The following AHR variants were observed in gnomAD, a reference collection of about 807,000 sequenced individuals.
The protein encoded by AHR is AH-receptor.
In AHR, 40 loss-of-function variants were observed where a neutral mutation model predicts 86.8. The ratio of observed to expected loss-of-function variants is 0.46; its 90% CI spans 0.36 to 0.60. The LOEUF is 0.60. Ranked by LOEUF, AHR falls within the 20% of genes least tolerant of loss-of-function variation. The pLI is 0.00. For missense variants in AHR, 1,001 were observed against 1,011.6 expected (o/e 0.99, Z 0.14); for synonymous variants, 398 against 354.9 (o/e 1.12, Z -1.37).
intron 1 of AHR, 102 bp from the exon 2 acceptor site, chr7:17,309,834 T>G (rs1782043559): frequency 9.9e-7 from 1 of 1,007,486 alleles, no homozygotes; most frequent in South Asian, 2.6e-5. Flanking sequence ...CTTTAAAAGT[T>G]TGTTGTGTTA....
intron 10 of AHR, 117 bp from the exon 11 acceptor site, chr7:17,342,804 C>A: frequency 1.0e-6 from 1 of 970,050 alleles, no homozygotes; most frequent in Non-Finnish European, 1.5e-6. Flanking sequence ...AGTAAAGGAA[C>A]TTGAAGTTTA....
At chr7:17,326,683 T>C (rs1190496470) in intron 3 of AHR, among the ~76,000 whole-genome samples, 2 of 152,126 alleles carry the variant, frequency 1.3e-5, no homozygotes, top group Admixed American at 6.6e-5. Context: ...GAAATAACAC[T>C]GAAGCCTAAA....
At chr7:17,335,453 T>C (rs968287704) in intron 8 of AHR, among the ~76,000 whole-genome samples, 192 bp from the exon 9 acceptor site, 4 of 152,042 alleles carry the variant, frequency 2.6e-5, no homozygotes, top group African/African-American at 9.7e-5. Flanking sequence ...CCCTTTAACA[T>C]TTAAAATAAT....
chr7:17,320,817 T>C (rs1240890140), intron 2 of AHR, among the ~76,000 whole-genome samples: 1 of 152,152 alleles, frequency 6.6e-6, no homozygotes, highest in Non-Finnish European at 1.5e-5. Context: ...AACTGTTTTT[T>C]GGCCTAAGGA....
At position 17,298,955 on chromosome 7, in the gene AHR, G is replaced by T; in HGVS notation, c.-310G>T. 2.3e-6 allele frequency: 1 copy of T among 441,298 alleles called. No individual in the cohort carries two copies. The highest frequency in any genetic ancestry group is 3.9e-6 in the Non-Finnish European group (1 of 253,656). The allele number at this position is 441,298 out of a possible 1,614,324, so 27.3% of individuals were successfully genotyped here. A position where few individuals can be genotyped will look rare whatever the true frequency, so the allele number is the denominator to read the frequency against. On this transcript the variant is annotated 5_prime_UTR_variant, in exon 1 of 11. Coordinates refer to ENST00000242057, the MANE Select transcript of AHR (RefSeq NM_001621.5). ...CTCCGCCCGGGCCGCCTCACCTGCGGGCATTGCCGCGCCGCCTCCGCCGGT... is the reference window on the plus strand; with the variant it reads ...CTCCGCCCGGGCCGCCTCACCTGCGTGCATTGCCGCGCCGCCTCCGCCGGT...
At chr7:17,310,338 G>A (rs1485663863) in intron 2 of AHR, among the ~76,000 whole-genome samples, 3 of 151,816 alleles carry the variant, frequency 2.0e-5, no homozygotes, top group Non-Finnish European at 4.4e-5. Context: ...AATGATGCAT[G>A]GTATCATTCT....
intron 10 of AHR, among the ~76,000 whole-genome samples, chr7:17,341,192 T>C (rs1384082050): frequency 2.0e-5 from 3 of 152,168 alleles, no homozygotes; most frequent in African/African-American, 7.2e-5. Flanking sequence ...GACCTGAAGC[T>C]TTATCTTTAA....
At chr7:17,321,290 C>T (rs1782169508) in intron 2 of AHR, among the ~76,000 whole-genome samples, 1 of 151,930 alleles carries the variant, frequency 6.6e-6, no homozygotes. Flanking sequence ...CAGTATTGAT[C>T]CACTATGTGT....
At chr7:17,335,486 ACTATTTCCATGC>A (rs936416584) in intron 8 of AHR, among the ~76,000 whole-genome samples, 147 bp from the exon 9 acceptor site, 73 of 152,156 alleles carry the variant, frequency 4.8e-4, no homozygotes, top group African/African-American at 1.7e-3. Context: ...ACTCTGAAAA[ACTATTTCCATGC>A]CTTTTATTAT....
In AHR at chr7:17,310,016, G is replaced by A. The variant is rs374827293; in HGVS notation, c.146G>A (p.Arg49His). The A allele has an allele frequency of 3.0e-5, 49 of 1,613,720 alleles. No individual in the cohort carries two copies. Among genetic ancestry groups the A allele is most frequent in the East Asian group, 6.7e-5 (3 of 44,892 alleles). ...HRDRLNTELD[R>H]LASLLPFPQD... is the part of the protein sequence containing the mutation. Reference sequence around the variant, plus strand: ...GACCGACTTAATACAGAGTTGGACCGTTTGGCTAGCCTGCTGCCTTTCCCA... The same window carrying A: ...GACCGACTTAATACAGAGTTGGACCATTTGGCTAGCCTGCTGCCTTTCCCA... Residue 49 changes from arginine to histidine, a missense_variant, in exon 2 of 11, where the codon CGT (arginine) becomes CAT (histidine). Arg to His is a conservative substitution (Grantham distance 29). Coordinates refer to ENST00000242057, the MANE Select transcript of AHR (RefSeq NM_001621.5).
At chr7:17,342,083 T>G (rs1562483515) in intron 10 of AHR, among the ~76,000 whole-genome samples, 1 of 152,178 alleles carries the variant, frequency 6.6e-6, no homozygotes, top group Non-Finnish European at 1.5e-5. Context: ...AACATTTTGA[T>G]TACTGAAGCC....
chr7:17,333,843 C>A, intron 6 of AHR, 69 bp from the exon 7 acceptor site: 1 of 1,286,686 alleles, frequency 7.8e-7, no homozygotes, highest in Non-Finnish European at 1.1e-6. Context: ...CATAATGGAG[C>A]CTTTTAAAAA....
rs771303532 is a variant in AHR at position 17,339,650 on chromosome 7, T to C, written c.1825T>C (p.Ser609Pro). 2.0e-5 allele frequency: 33 copies of C among 1,613,992 alleles called. No individual in the cohort carries two copies. Among genetic ancestry groups the C allele is most frequent in the Non-Finnish European group, 2.8e-5 (33 of 1,180,038 alleles). ...ACAGCAACAGTCCTTGGCTCTGAAC[T>C]CAAGCTGTATGGTACAGGAACACCT... ...YQQQQSLALNSSCMVQEHLHL... is the reference protein window; with the variant it reads ...YQQQQSLALNPSCMVQEHLHL... Residue 609 changes from serine to proline, a missense_variant, in exon 10 of 11, where the codon TCA (serine) becomes CCA (proline). Around this residue, in one of 2 missense-constraint regions of AHR, gnomAD observed 607 missense variants for 543.1 expected, o/e 1.12. Coordinates refer to ENST00000242057, the MANE Select transcript of AHR (RefSeq NM_001621.5).
chr7:17,307,277 A>G (rs1782015293), intron 1 of AHR, among the ~76,000 whole-genome samples: 1 of 152,154 alleles, frequency 6.6e-6, no homozygotes, highest in East Asian at 1.9e-4. Flanking sequence ...AAAGCCACCA[A>G]GAGTGCAGGA....
At chr7:17,314,446 G>A (rs1266184174) in intron 2 of AHR, among the ~76,000 whole-genome samples, 1 of 152,026 alleles carries the variant, frequency 6.6e-6, no homozygotes, top group Admixed American at 6.6e-5. Context: ...GTTTATCATG[G>A]ATCTTTCTTG....
Position 17,330,059 on chromosome 7 carries a change from T to C in AHR, c.558T>C (p.Ser186=), listed in dbSNP as rs1398286314. 6.2e-7 allele frequency: 1 copy of C among 1,608,442 alleles called. No individual in the cohort carries two copies. Among genetic ancestry groups the C allele is most frequent in the South Asian group, 1.1e-5 (1 of 90,314 alleles). The change falls in exon 5 of 11, where the codon TCT becomes TCC. Residue 186 remains serine, a synonymous_variant. Transcript: ENST00000242057. ...WALNPSQCTE[S]GQGIEEATGL... Reference sequence around the variant, plus strand: ...TAAATCCTTCTCAGTGTACAGAGTCTGGACAAGGAATTGAAGGTAAGAATT... The same window carrying C: ...TAAATCCTTCTCAGTGTACAGAGTCCGGACAAGGAATTGAAGGTAAGAATT...
rs1782282518 is a variant in AHR, at chr7:17,330,973, G to T, written c.705+87G>T. The T allele has an allele frequency of 7.7e-6, 11 of 1,419,724 alleles. No homozygotes were observed. The South Asian group carries it at 1.5e-4, about 19-fold the overall frequency. 87.9% of individuals were successfully genotyped at this position (1,419,724 alleles called of 1,614,324 possible). ...ATTTAATTTAGCAAAATATAATTCA[G>T]CAGAGAACTATTCCCAAATCAGGCA... is the stretch of plus-strand genomic sequence containing the variant. On this transcript the variant is annotated intron_variant, in intron 6 of 10. Transcript: ENST00000242057.
intron 2 of AHR, among the ~76,000 whole-genome samples, chr7:17,317,363 G>A (rs1230214218): frequency 6.6e-6 from 1 of 151,980 alleles, no homozygotes; most frequent in South Asian, 2.1e-4. Context: ...CTTTGGTGAG[G>A]ATAGAAATTT....
At chr7:17,334,644 G>T (rs929961879) in intron 7 of AHR, among the ~76,000 whole-genome samples, 6 of 151,966 alleles carry the variant, frequency 3.9e-5, no homozygotes, top group Admixed American at 2.0e-4. Flanking sequence ...TTCATTTTTA[G>T]CATACTAATT....
Sources: gnomAD v4.1 joint callset for allele counts (sites outside exome capture counted in the v4.1 genomes callset) on GRCh38, gnomAD v4.1.1 for gene constraint, gnomAD v4.1.1 regional missense constraint, MANE v1.5 for transcripts, NCBI Gene and HGNC (gene_info 2026-07-23, HGNC 2026-07-21) for gene names.